CADPS2: variants seen among roughly 807,000 people sequenced by gnomAD.
CADPS2 encodes calcium-dependent secretion activator 2.
In CADPS2, 93 loss-of-function variants were observed where a neutral mutation model predicts 172.5. The ratio of observed to expected loss-of-function variants is 0.54; its 90% CI spans 0.46 to 0.64. CADPS2 has a LOEUF of 0.64. CADPS2 is among the 30% of genes least tolerant of loss of function. The probability of loss-of-function intolerance (pLI) is 0.00; values close to 1 mark genes in which losing one functional copy is unlikely to be tolerated. For missense variants in CADPS2, 1,420 were observed against 1,565.9 expected (o/e 0.91, Z 1.57); for synonymous variants, 546 against 555.2 (o/e 0.98, Z 0.23).
intron 6 of CADPS2, among the ~76,000 whole-genome samples, chr7:122,610,898 G>C (rs539463755): frequency 1.3e-5 from 2 of 152,036 alleles, no homozygotes; most frequent in African/African-American, 4.8e-5. Context: ...CAATTCTCTC[G>C]GCCACTGGAG....
At chr7:122,797,987 T>A (rs1796767285) in intron 1 of CADPS2, among the ~76,000 whole-genome samples, 1 of 152,018 alleles carries the variant, frequency 6.6e-6, no homozygotes, top group Non-Finnish European at 1.5e-5. Flanking sequence ...TTGTGTCAAG[T>A]TTTTTTGTGC....
At chr7:122,700,357 C>T (rs190930385) in intron 2 of CADPS2, among the ~76,000 whole-genome samples, 4 of 152,136 alleles carry the variant, frequency 2.6e-5, no homozygotes, top group Admixed American at 6.5e-5. Flanking sequence ...GCCCTATGGG[C>T]CAACAAAAAC....
At chr7:122,482,547 CTT>C (rs2057412172) in intron 11 of CADPS2, among the ~76,000 whole-genome samples, 1 of 152,156 alleles carries the variant, frequency 6.6e-6, no homozygotes, top group Admixed American at 6.5e-5. Context: ...TGAGAATAAA[CTT>C]AACCTCCTAC....
chr7:122,634,174 A>G (rs2098215), intron 3 of CADPS2, among the ~76,000 whole-genome samples: 150,763 of 152,278 alleles, frequency 0.99, 74,650 homozygotes, highest in Middle Eastern at 1. Context: ...GTATCAGGAT[A>G]ATGCTGGCTT....
chr7:122,554,599 T>G lies in CADPS2; in HGVS notation c.1426A>C (p.Ile476Leu). The G allele has an allele frequency of 6.2e-7, 1 of 1,612,278 alleles. No homozygotes were observed. Among genetic ancestry groups the G allele is most frequent in the South Asian group, 1.1e-5 (1 of 90,948 alleles). Residue 476 changes from isoleucine to leucine, a missense_variant, in exon 8 of 30, where the codon ATC becomes CTC. Physicochemically the swap from Ile to Leu is conservative, Grantham distance 5. Transcript: ENST00000449022. ...TTATCCATTCGCACTGCCAGTTTGA[T>G]TTTTAAGTCAGAATCCTGGCTATTT... is the stretch of plus-strand genomic sequence containing the variant. Reference protein sequence around the residue: ...PKNSQDSDLKIKLAVRMDKPA... With the variant: ...PKNSQDSDLKLKLAVRMDKPA...
intron 2 of CADPS2, among the ~76,000 whole-genome samples, chr7:122,707,034 A>C (rs1379207751): frequency 6.6e-6 from 1 of 151,758 alleles, no homozygotes; most frequent in Non-Finnish European, 1.5e-5. Context: ...GGAAGGGTGA[A>C]GATTTGAATG....
chr7:122,857,292 C>G (rs1474816716), intron 1 of CADPS2, among the ~76,000 whole-genome samples: 1 of 152,012 alleles, frequency 6.6e-6, no homozygotes, highest in Non-Finnish European at 1.5e-5. Context: ...TCTGTACTTT[C>G]CAAATACTTT....
intron 1 of CADPS2, among the ~76,000 whole-genome samples, chr7:122,833,472 C>T: frequency 6.6e-6 from 1 of 152,092 alleles, no homozygotes; most frequent in Admixed American, 6.5e-5. Flanking sequence ...TGCCTCAGCC[C>T]TCAGCCTCCC....
In CADPS2 at chr7:122,886,266, C is replaced by G; in HGVS notation, c.72G>C (p.Val24=). The change falls in exon 1 of 30, where the codon GTG becomes GTC. Residue 24 remains valine, a synonymous_variant. Transcript: ENST00000449022. The part of the protein sequence containing the change: ...GLEEESRDVL[V]AAGSSQRAPP... ...GAGCTCGCTGCGAGCTGCCGGCTGC[C>G]ACCAGCACATCGCGGCTTTCCTCTT... 2 of 1,505,518 alleles carry G rather than the reference C, an allele frequency of 1.3e-6. 1 individual carries two copies. The highest frequency in any genetic ancestry group is 2.5e-5 in the South Asian group (2 of 80,774). 93.3% of individuals were successfully genotyped at this position (1,505,518 alleles called of 1,614,324 possible).
At chr7:122,836,691 A>C (rs961127866) in intron 1 of CADPS2, among the ~76,000 whole-genome samples, 2 of 152,234 alleles carry the variant, frequency 1.3e-5, no homozygotes, top group African/African-American at 4.8e-5. Context: ...AGGCCATTAC[A>C]TAATGGTAAA....
chr7:122,840,842 A>T (rs1293978095), intron 1 of CADPS2, among the ~76,000 whole-genome samples: 2 of 152,176 alleles, frequency 1.3e-5, no homozygotes, highest in Non-Finnish European at 2.9e-5. Context: ...GAAATAATAA[A>T]TATCTACAGA....
At chr7:122,694,283 T>C (rs2084785883) in intron 2 of CADPS2, among the ~76,000 whole-genome samples, 1 of 152,084 alleles carries the variant, frequency 6.6e-6, no homozygotes, top group Non-Finnish European at 1.5e-5. Context: ...AGAATAAGTC[T>C]GAAGAAGTAG....
intron 17 of CADPS2, among the ~76,000 whole-genome samples, chr7:122,418,275 T>G (rs1012679878): frequency 6.6e-6 from 1 of 152,236 alleles, no homozygotes; most frequent in African/African-American, 2.4e-5. Context: ...ACAGCTTTGT[T>G]TTTTATTCAT....
intron 4 of CADPS2, among the ~76,000 whole-genome samples, chr7:122,628,131 G>A (rs1312147751): frequency 6.6e-6 from 1 of 151,780 alleles, no homozygotes; most frequent in Non-Finnish European, 1.5e-5. Flanking sequence ...TGTCATTCTT[G>A]TTACCCAATT....
intron 15 of CADPS2, among the ~76,000 whole-genome samples, chr7:122,450,328 A>T (rs976705452): frequency 6.6e-6 from 1 of 152,166 alleles, no homozygotes; most frequent in African/African-American, 2.4e-5. Context: ...CAGACAGGTT[A>T]TAAGACACAA....
intron 1 of CADPS2, among the ~76,000 whole-genome samples, chr7:122,875,241 A>G (rs933645093): frequency 2.0e-5 from 3 of 152,200 alleles, no homozygotes; most frequent in Non-Finnish European, 2.9e-5. Flanking sequence ...CTCTCTGATA[A>G]ACTCCACCAA....
chr7:122,602,883 A>G (rs906170586), intron 6 of CADPS2, among the ~76,000 whole-genome samples: 3 of 152,086 alleles, frequency 2.0e-5, no homozygotes, highest in Admixed American at 6.6e-5. Context: ...GGAAGATCCC[A>G]GCTTCACCTT....
chr7:122,419,940 C>T (rs1159660040), intron 17 of CADPS2, among the ~76,000 whole-genome samples: 1 of 152,112 alleles, frequency 6.6e-6, no homozygotes, highest in East Asian at 1.9e-4. Flanking sequence ...TATTTTAAAT[C>T]ACTGAAGTAT....
chr7:122,447,257 ATT>A (rs1242190051), intron 15 of CADPS2, among the ~76,000 whole-genome samples: 1 of 151,994 alleles, frequency 6.6e-6, no homozygotes, highest in African/African-American at 2.4e-5. Context: ...TCATACTTAT[ATT>A]TGTTTTTGAT....
Sources: gnomAD v4.1 joint callset for allele counts (sites outside exome capture counted in the v4.1 genomes callset) on GRCh38, gnomAD v4.1.1 for gene constraint, MANE v1.5 for transcripts, NCBI Gene and HGNC (gene_info 2026-07-23, HGNC 2026-07-21) for gene names.